The following FAM227B variants were observed in gnomAD, a reference collection of about 807,000 sequenced individuals.
The protein encoded by FAM227B is family with sequence similarity 227 member B.
A neutral mutation model predicts 73.8 loss-of-function variants in FAM227B; 88 were observed. That is an observed-to-expected ratio of 1.19 (90% CI 1.00 to 1.42). FAM227B has a LOEUF of 1.42. FAM227B is among the 40% of genes most tolerant of loss of function. The pLI, the probability that FAM227B is intolerant of heterozygous loss-of-function variation, is 0.00. For synonymous variants in FAM227B, 210 were observed against 190.5 expected (o/e 1.10, Z -0.84); for missense variants, 632 against 590.9 (o/e 1.07, Z -0.72).
intron 13 of FAM227B, among the ~76,000 whole-genome samples, chr15:49,362,671 G>A (rs1179510262): frequency 6.6e-6 from 1 of 152,032 alleles, no homozygotes; most frequent in Non-Finnish European, 1.5e-5. Context: ...ATTGCTTTTG[G>A]CATCTTTATC....
Position 49,365,773 on chromosome 15 carries a change from G to A in FAM227B, c.1271+1675C>T, listed in dbSNP as rs1006598371. The stretch of plus-strand genomic sequence containing the variant: ...CCACCTGTCTTCATTTTGAAACACA[G>A]CCCAAACAATAGCTATTGCTATGCA... On this transcript the variant is annotated intron_variant, in intron 13 of 15. Coordinates refer to ENST00000299338, the MANE Select transcript of FAM227B (RefSeq NM_152647.3). 7.8e-5 allele frequency: 67 copies of A among 855,404 alleles called. 2 individuals are homozygous for A. The highest frequency in any genetic ancestry group is 1.2e-4 in the Non-Finnish European group (59 of 491,520). The allele number at this position is 855,404 out of a possible 1,614,324, so 53.0% of individuals were successfully genotyped here.
intron 11 of FAM227B, among the ~76,000 whole-genome samples, chr15:49,403,450 G>T (rs563161638): frequency 2.4e-4 from 36 of 152,170 alleles, no homozygotes; most frequent in Non-Finnish European, 4.3e-4. Context: ...ACATGTTATT[G>T]ATCTATTCAG....
intron 3 of FAM227B, among the ~76,000 whole-genome samples, chr15:49,591,736 C>T (rs868316569): frequency 3.9e-5 from 6 of 152,006 alleles, no homozygotes; most frequent in African/African-American, 7.2e-5. Context: ...CTGCTCACCT[C>T]GGCCTCCCAA....
At chr15:49,554,896 CTAGAA>C (rs1464574481) in intron 9 of FAM227B, among the ~76,000 whole-genome samples, 3 of 152,122 alleles carry the variant, frequency 2.0e-5, no homozygotes, top group Non-Finnish European at 2.9e-5. Flanking sequence ...TTATCTTAAA[CTAGAA>C]TAGCAACTTC....
At chr15:49,450,771 G>A (rs1473292985) in intron 11 of FAM227B, among the ~76,000 whole-genome samples, 1 of 152,002 alleles carries the variant, frequency 6.6e-6, no homozygotes, top group Non-Finnish European at 1.5e-5. Context: ...TGTTATGATA[G>A]TTCATTTAAA....
At chr15:49,589,241 C>T (rs1035338641) in intron 4 of FAM227B, among the ~76,000 whole-genome samples, 2 of 152,116 alleles carry the variant, frequency 1.3e-5, no homozygotes, top group Admixed American at 6.6e-5. Context: ...ACCCCTTTTA[C>T]TTTCAGTTTC....
At chr15:49,391,433 T>C (rs2047205388) in intron 11 of FAM227B, among the ~76,000 whole-genome samples, 1 of 152,098 alleles carries the variant, frequency 6.6e-6, no homozygotes, top group Admixed American at 6.6e-5. Context: ...TGGTTCCCTA[T>C]AGAAACTAAA....
chr15:49,418,789 A>G (rs1279846730), intron 11 of FAM227B, among the ~76,000 whole-genome samples: 4 of 150,776 alleles, frequency 2.7e-5, no homozygotes, highest in Non-Finnish European at 5.9e-5. Context: ...GATCAAAAAA[A>G]GAAAAAAAAA....
intron 11 of FAM227B, among the ~76,000 whole-genome samples, chr15:49,391,369 A>C (rs2047201638): frequency 6.6e-6 from 1 of 152,134 alleles, no homozygotes; most frequent in Non-Finnish European, 1.5e-5. Context: ...CCAGGCATAT[A>C]GCTAGCCTCG....
chr15:49,383,660 T>C (rs2151533795), intron 11 of FAM227B, among the ~76,000 whole-genome samples: 1 of 152,118 alleles, frequency 6.6e-6, no homozygotes, highest in East Asian at 1.9e-4. Context: ...CAAAAAATAT[T>C]TCTAACAGAA....
intron 11 of FAM227B, among the ~76,000 whole-genome samples, chr15:49,503,912 C>T (rs1404904781): frequency 6.6e-6 from 1 of 152,204 alleles, no homozygotes; most frequent in East Asian, 1.9e-4. Context: ...TTGACCCAGC[C>T]ATCCCATTAC....
intron 12 of FAM227B, among the ~76,000 whole-genome samples, chr15:49,369,856 A>G (rs978885390): frequency 1.3e-5 from 2 of 152,234 alleles, no homozygotes; most frequent in East Asian, 3.8e-4. Flanking sequence ...TATGGCCTTC[A>G]GAGTCTTTTC....
At chr15:49,548,065 C>T (rs1428470464) in intron 9 of FAM227B, among the ~76,000 whole-genome samples, 1 of 152,182 alleles carries the variant, frequency 6.6e-6, no homozygotes, top group African/African-American at 2.4e-5. Context: ...TGTTGAACAA[C>T]TGGTGACAGT....
At chr15:49,430,986 AT>A (rs1169520765) in intron 11 of FAM227B, among the ~76,000 whole-genome samples, 1 of 149,724 alleles carries the variant, frequency 6.7e-6, no homozygotes, top group Non-Finnish European at 1.5e-5. Context: ...AGCTTTTTTT[AT>A]TTTCTAAGGA....
chr15:49,344,591 G>A (rs950312890), intron 13 of FAM227B, among the ~76,000 whole-genome samples: 16 of 152,146 alleles, frequency 1.1e-4, no homozygotes, highest in Non-Finnish European at 1.8e-4. Context: ...CTCTGAATTC[G>A]AAGGAAAGAT....
intron 9 of FAM227B, among the ~76,000 whole-genome samples, chr15:49,558,484 C>T (rs2073951917): frequency 6.6e-6 from 1 of 152,156 alleles, no homozygotes; most frequent in Admixed American, 6.5e-5. Context: ...AGTGAAAGGC[C>T]CACTGCATAG....
chr15:49,402,757 T>C (rs1441301643), intron 11 of FAM227B, among the ~76,000 whole-genome samples: 3 of 152,166 alleles, frequency 2.0e-5, no homozygotes, highest in African/African-American at 7.2e-5. Flanking sequence ...CCTCTCTTCC[T>C]ATTCGAATAC....
intron 11 of FAM227B, among the ~76,000 whole-genome samples, chr15:49,391,266 A>T (rs1333132664): frequency 1.3e-5 from 2 of 152,114 alleles, no homozygotes; most frequent in African/African-American, 4.8e-5. Context: ...TATCTCTTGT[A>T]GTAAGACAGA....
chr15:49,453,793 T>G (rs992580557), intron 11 of FAM227B, among the ~76,000 whole-genome samples: 1 of 152,144 alleles, frequency 6.6e-6, no homozygotes, highest in South Asian at 2.1e-4. Flanking sequence ...TCCAGGAAAT[T>G]CAATTTCAGC....
Sources: allele counts gnomAD v4.1 joint callset (sites outside exome capture counted in the v4.1 genomes callset), GRCh38; gene constraint gnomAD v4.1.1; transcripts MANE v1.5; gene names NCBI Gene and HGNC (gene_info 2026-07-23, HGNC 2026-07-21).